Variants in RNF175 observed in about 807,000 individuals in gnomAD.
The protein encoded by RNF175 is ring finger protein 175.
Under a neutral mutation model 50.0 loss-of-function variants are expected in RNF175, and 38 were observed. The ratio of observed to expected loss-of-function variants is 0.76; its 90% CI spans 0.59 to 1.00. The LOEUF (loss-of-function observed/expected upper bound fraction) is 1.00. Among genes scored for constraint, RNF175 ranks in the 50% least tolerant of loss-of-function variants. The pLI, the probability that RNF175 is intolerant of heterozygous loss-of-function variation, is 0.00. For missense variants in RNF175, 388 were observed against 409.6 expected, an observed-to-expected ratio of 0.95 and a Z score of 0.46; for synonymous variants, 155 against 146.1, an observed-to-expected ratio of 1.06 and a Z score of -0.44.
intron 3 of RNF175, among the ~76,000 whole-genome samples, chr4:153,747,014 G>T (rs1279599948): frequency 6.6e-6 from 1 of 152,208 alleles, no homozygotes; most frequent in Non-Finnish European, 1.5e-5. Flanking sequence ...AGAGTCCTGA[G>T]GTGGCCCTGC....
intron 3 of RNF175, among the ~76,000 whole-genome samples, chr4:153,731,227 A>G (rs1241553279): frequency 6.6e-6 from 1 of 152,208 alleles, no homozygotes; most frequent in Non-Finnish European, 1.5e-5. Flanking sequence ...GAGCAGTTAA[A>G]ATTTCTCATT....
chr4:153,723,246 A>G (rs1489345547), intron 5 of RNF175, 105 bp downstream of exon 5: 1 of 619,488 alleles, frequency 1.6e-6, no homozygotes, highest in Non-Finnish European at 3.0e-6. Context: ...ACATGTGTGC[A>G]TGGAAAATTG....
chr4:153,726,932 A>G (rs1738733276), intron 4 of RNF175, among the ~76,000 whole-genome samples: 1 of 152,214 alleles, frequency 6.6e-6, no homozygotes, highest in African/African-American at 2.4e-5. Flanking sequence ...GAGCGGACAT[A>G]TGCAAGCCAT....
intron 8 of RNF175, among the ~76,000 whole-genome samples, chr4:153,711,808 G>A (rs1052301910): frequency 2.0e-5 from 3 of 152,118 alleles, no homozygotes; most frequent in East Asian, 1.9e-4. Flanking sequence ...ACCTTCCTGC[G>A]ACCTTAATGT....
intron 3 of RNF175, among the ~76,000 whole-genome samples, chr4:153,741,657 G>GT (rs1025771367): frequency 2.0e-5 from 3 of 151,990 alleles, no homozygotes; most frequent in African/African-American, 4.8e-5. Flanking sequence ...AGTTTGGTCC[G>GT]TTTTTTTCTT....
intron 1 of RNF175, among the ~76,000 whole-genome samples, chr4:153,756,106 T>G (rs895428647): frequency 5.3e-5 from 8 of 152,212 alleles, no homozygotes; most frequent in Admixed American, 3.9e-4. Flanking sequence ...TTCTTTACAT[T>G]AAGTGTATTC....
At chr4:153,720,723 T>A (rs1311671431) in intron 5 of RNF175, 1 of 161,260 alleles carries the variant, frequency 6.2e-6, no homozygotes, top group Non-Finnish European at 1.4e-5. Flanking sequence ...TATATTAGAA[T>A]CACCTGGGAA....
chr4:153,738,538 TG>T, intron 3 of RNF175, among the ~76,000 whole-genome samples: 1 of 152,190 alleles, frequency 6.6e-6, no homozygotes, highest in Admixed American at 6.5e-5. Flanking sequence ...CCACTTTGTC[TG>T]AAATTAATAT....
chr4:153,712,437 A>T, intron 8 of RNF175, 38 bp downstream of exon 8: 1 of 1,193,374 alleles, frequency 8.4e-7, no homozygotes. Context: ...AGAAACATTC[A>T]AGATAATCTC....
intron 5 of RNF175, 183 bp from the exon 6 acceptor site, chr4:153,720,487 TGTA>T: frequency 1.9e-6 from 1 of 537,498 alleles, no homozygotes; most frequent in Non-Finnish European, 3.3e-6. Flanking sequence ...TCCCTCAAAT[TGTA>T]GCACTCAGTG....
chr4:153,731,154 C>T (rs1356797176), intron 3 of RNF175, among the ~76,000 whole-genome samples: 1 of 152,106 alleles, frequency 6.6e-6, no homozygotes, highest in African/African-American at 2.4e-5. Context: ...GATTGCATGG[C>T]TAGTCATTTT....
At chr4:153,757,342 G>A (rs569537307) in intron 1 of RNF175, among the ~76,000 whole-genome samples, 1 of 152,328 alleles carries the variant, frequency 6.6e-6, no homozygotes, top group East Asian at 1.9e-4. Context: ...CACTCAATGT[G>A]TTTGGAGACT....
rs561901472 is a variant in RNF175 at position 153,710,887 on chromosome 4, A to C, written c.867-398T>G. Among the ~76,000 whole-genome samples, 3 of 152,360 alleles carry C rather than the reference A, an allele frequency of 2.0e-5. No homozygotes were observed. In the East Asian group the frequency reaches 5.8e-4, roughly 29 times the overall value. ...TTAGAATGAACCCATTGTATATTAC[A>C]AAGAATAACACTGGTTCATCAGATA... is the stretch of plus-strand genomic sequence containing the variant. On this transcript the variant is annotated intron_variant, in intron 8 of 8. Transcript: ENST00000347063.
chr4:153,752,604 T>C (rs986882457), intron 1 of RNF175, among the ~76,000 whole-genome samples: 4 of 152,214 alleles, frequency 2.6e-5, no homozygotes, highest in Non-Finnish European at 5.9e-5. Context: ...TGGGTAAACA[T>C]GTTTATAATT....
intron 1 of RNF175, among the ~76,000 whole-genome samples, chr4:153,759,588 T>A (rs950247826): frequency 1.3e-5 from 2 of 150,812 alleles, no homozygotes; most frequent in African/African-American, 4.9e-5. Flanking sequence ...GGCACAGAAG[T>A]GGGGAGGGAG....
At chr4:153,712,659 G>A in intron 7 of RNF175, 83 bp from the exon 8 acceptor site, 1 of 892,520 alleles carries the variant, frequency 1.1e-6, no homozygotes, top group Admixed American at 2.0e-5. Flanking sequence ...CCATCTTCAG[G>A]GTCTAGTGGT....
chr4:153,743,642 T>C (rs116588966), intron 3 of RNF175, among the ~76,000 whole-genome samples: 26,627 of 151,902 alleles, frequency 0.18, 3,036 homozygotes, highest in Non-Finnish European at 0.25. Context: ...AGGCGCCTGG[T>C]CACCTCCAAG....
intron 3 of RNF175, among the ~76,000 whole-genome samples, chr4:153,733,240 T>G (rs191411738): frequency 3.9e-5 from 6 of 152,182 alleles, no homozygotes; most frequent in African/African-American, 1.4e-4. Flanking sequence ...GAATTATGCA[T>G]AAAAGAATGT....
intron 1 of RNF175, among the ~76,000 whole-genome samples, chr4:153,753,558 CTCT>C (rs34313142): frequency 0.11 from 16,321 of 143,950 alleles, 1,553 homozygotes; most frequent in East Asian, 0.41. Flanking sequence ...CTCTCTCTCT[CTCT>C]TTTTTTTTTT....
Sources: gnomAD v4.1 joint callset for allele counts (sites outside exome capture counted in the v4.1 genomes callset) on GRCh38, gnomAD v4.1.1 for gene constraint, MANE v1.5 for transcripts, NCBI Gene and HGNC (gene_info 2026-07-23, HGNC 2026-07-21) for gene names.